The following ARHGAP15 variants were observed in gnomAD, a reference collection of about 807,000 sequenced individuals.
The protein encoded by ARHGAP15 is rho GTPase-activating protein 15.
In ARHGAP15, 51 loss-of-function variants were observed where a neutral mutation model predicts 63.7. The ratio of observed to expected loss-of-function variants is 0.80; its 90% CI spans 0.64 to 1.01. The LOEUF is 1.01. Ranked by LOEUF, ARHGAP15 falls within the 50% of genes least tolerant of loss-of-function variation. The pLI is 0.00. For synonymous variants in ARHGAP15, 191 were observed against 193.8 expected, an observed-to-expected ratio of 0.99 and a Z score of 0.12; for missense variants, 560 against 564.6, an observed-to-expected ratio of 0.99 and a Z score of 0.08.
intron 6 of ARHGAP15, among the ~76,000 whole-genome samples, chr2:143,337,049 T>C (rs1185861974): frequency 1.3e-5 from 2 of 151,714 alleles, no homozygotes; most frequent in African/African-American, 2.4e-5. Flanking sequence ...CTCCAAGACA[T>C]GCAGGTAATC....
intron 13 of ARHGAP15, among the ~76,000 whole-genome samples, chr2:143,757,546 A>G (rs1686623707): frequency 1.3e-5 from 2 of 151,936 alleles, no homozygotes; most frequent in Non-Finnish European, 2.9e-5. Flanking sequence ...ACATACATAC[A>G]TACATAGAGA....
intron 12 of ARHGAP15, among the ~76,000 whole-genome samples, chr2:143,695,250 T>C (rs1364513433): frequency 2.0e-5 from 3 of 152,134 alleles, no homozygotes; most frequent in Admixed American, 1.3e-4. Context: ...AATAAACCCA[T>C]GAGCTTTATT....
intron 6 of ARHGAP15, among the ~76,000 whole-genome samples, chr2:143,407,987 G>GTATGTATATATATATATA (rs1553475720): frequency 2.6e-5 from 2 of 77,418 alleles, no homozygotes; most frequent in African/African-American, 4.5e-5. Flanking sequence ...TTCTGTGTGT[G>GTATGTATATATATATATA]TATATATATA....
intron 10 of ARHGAP15, among the ~76,000 whole-genome samples, chr2:143,534,553 A>T (rs56346959): frequency 0.82 from 124,270 of 151,634 alleles, 51,037 homozygotes; most frequent in South Asian, 0.85. Context: ...AATGCCATGA[A>T]ATATTCACGA....
At chr2:143,703,753 T>C (rs1684198953) in intron 13 of ARHGAP15, 1 of 399,814 alleles carries the variant, frequency 2.5e-6, no homozygotes, top group Non-Finnish European at 4.4e-6. Context: ...TTTCAACTAG[T>C]ATATGTTTGC....
At chr2:143,141,719 A>C (rs1001970853) in intron 1 of ARHGAP15, among the ~76,000 whole-genome samples, 11 of 152,162 alleles carry the variant, frequency 7.2e-5, no homozygotes, top group Admixed American at 4.6e-4. Context: ...GCAAATGCAA[A>C]TGCAGTCTCC....
chr2:143,198,984 G>A (rs749311131), intron 2 of ARHGAP15, among the ~76,000 whole-genome samples: 11 of 151,940 alleles, frequency 7.2e-5, no homozygotes, highest in African/African-American at 1.2e-4. Context: ...AATATAAGAC[G>A]TATGTATGAA....
At chr2:143,198,912 T>G (rs530516457) in intron 2 of ARHGAP15, among the ~76,000 whole-genome samples, 1 of 152,218 alleles carries the variant, frequency 6.6e-6, no homozygotes, top group African/African-American at 2.4e-5. Flanking sequence ...TCTAGTTGGG[T>G]TTTAAGGAAA....
Position 143,676,367 on chromosome 2 carries a change from A to C in ARHGAP15, c.1139-27052A>C, listed in dbSNP as rs1285425441. ...AGAACTTTTCTCCTTTGCATTCACA[A>C]CTTGGCTAATTCTTTGGCACAAGCA... On this transcript the variant is annotated intron_variant, in intron 12 of 13. Coordinates refer to ENST00000295095, the MANE Select transcript of ARHGAP15 (RefSeq NM_018460.4). The C allele has an allele frequency of 3.3e-5, 5 of 152,354 alleles. No individual in the cohort carries two copies. The East Asian group carries it at 7.7e-4, about 23-fold the overall frequency. 9.4% of individuals were successfully genotyped at this position (152,354 alleles called of 1,614,324 possible). A position where few individuals can be genotyped will look rare whatever the true frequency, so the allele number is the denominator to read the frequency against.
At chr2:143,487,887 T>A (rs1278172786) in intron 9 of ARHGAP15, among the ~76,000 whole-genome samples, 2 of 152,190 alleles carry the variant, frequency 1.3e-5, no homozygotes, top group Non-Finnish European at 2.9e-5. Flanking sequence ...ATCAGAAATG[T>A]CCAGATTTGG....
chr2:143,686,067 A>G (rs2105381475), intron 12 of ARHGAP15, among the ~76,000 whole-genome samples: 1 of 152,240 alleles, frequency 6.6e-6, no homozygotes, highest in Non-Finnish European at 1.5e-5. Context: ...ATTGTATGAG[A>G]AAATAATTTT....
At chr2:143,440,531 G>C (rs1003268543) in intron 8 of ARHGAP15, among the ~76,000 whole-genome samples, 10 of 152,074 alleles carry the variant, frequency 6.6e-5, no homozygotes, top group African/African-American at 2.4e-4. Context: ...TTTTTAAAAG[G>C]CATGTGAACA....
chr2:143,395,501 G>A (rs1687718632), intron 6 of ARHGAP15, among the ~76,000 whole-genome samples: 1 of 152,090 alleles, frequency 6.6e-6, no homozygotes, highest in South Asian at 2.1e-4. Flanking sequence ...AGTACAATGG[G>A]AACACACACA....
intron 12 of ARHGAP15, among the ~76,000 whole-genome samples, chr2:143,636,998 T>C (rs1680349422): frequency 6.6e-6 from 1 of 152,120 alleles, no homozygotes; most frequent in Admixed American, 6.6e-5. Flanking sequence ...AAGATCATTG[T>C]GTCCTCAAAT....
chr2:143,475,524 A>G (rs1239567875), intron 8 of ARHGAP15, among the ~76,000 whole-genome samples: 1 of 152,236 alleles, frequency 6.6e-6, no homozygotes, highest in East Asian at 1.9e-4. Context: ...ATTTCCGGAT[A>G]TTCGATGTCC....
chr2:143,419,642 C>CTA lies in ARHGAP15; in HGVS notation c.475-15946_475-15945dup, dbSNP rs896157128. Among the ~76,000 whole-genome samples the CTA allele has an allele frequency of 6.4e-4, 91 of 142,642 alleles. No homozygotes were observed. In the East Asian group the frequency reaches 6.9e-3, roughly 11 times the overall value. 93.6% of individuals were successfully genotyped at this position (142,642 alleles called of 152,430 possible). On this transcript the variant is annotated intron_variant, in intron 6 of 13. Transcript: ENST00000295095. Reference sequence around the variant, plus strand: ...ATATTTAATTTGACCTATGTATGACCTATATATATATATACAAACACATAT... The same window carrying CTA: ...ATATTTAATTTGACCTATGTATGACCTATATATATATATATACAAACACATAT...
At chr2:143,435,797 C>T (rs1049205090) in intron 7 of ARHGAP15, 98 bp downstream of exon 7, 5 of 1,207,590 alleles carry the variant, frequency 4.1e-6, no homozygotes, top group East Asian at 2.8e-5. Context: ...TTAAATAGAT[C>T]CTATGGACTG....
At chr2:143,748,621 A>G (rs1686256244) in intron 13 of ARHGAP15, among the ~76,000 whole-genome samples, 1 of 152,232 alleles carries the variant, frequency 6.6e-6, no homozygotes, top group African/African-American at 2.4e-5. Context: ...CACAGATATC[A>G]CTTGGTAGGC....
At chr2:143,342,382 G>A (rs190986292) in intron 6 of ARHGAP15, among the ~76,000 whole-genome samples, 8 of 152,110 alleles carry the variant, frequency 5.3e-5, no homozygotes, top group South Asian at 2.1e-4. Context: ...GAAGTGTCTC[G>A]AATAGGAAAG....
Sources: allele counts gnomAD v4.1 joint callset (sites outside exome capture counted in the v4.1 genomes callset), GRCh38; gene constraint gnomAD v4.1.1; transcripts MANE v1.5; gene names NCBI Gene and HGNC (gene_info 2026-07-23, HGNC 2026-07-21).